The following VWA5B1 variants were observed in gnomAD, a reference collection of about 807,000 sequenced individuals.
VWA5B1 encodes the protein von Willebrand factor A domain containing 5B1, also known as von Willebrand factor A domain-containing protein 5B1.
In VWA5B1, 115 loss-of-function variants were observed where a neutral mutation model predicts 118.2. The ratio of observed to expected loss-of-function variants is 0.97; its 90% CI spans 0.84 to 1.14. The LOEUF is 1.14. VWA5B1 is among the 50% of genes most tolerant of loss of function. The pLI is 0.00. For synonymous variants in VWA5B1, 682 were observed against 658.4 expected, an observed-to-expected ratio of 1.04 and a Z score of -0.55; for missense variants, 1,596 against 1,603.8, an observed-to-expected ratio of 1.00 and a Z score of 0.08.
At position 20,326,814 on chromosome 1, in the gene VWA5B1, TCTC is replaced by T. The variant is rs1369984636; in HGVS notation, c.1144-1073_1144-1071del. On this transcript the variant is annotated intron_variant, in intron 8 of 21. Coordinates refer to ENST00000289815, the MANE Select transcript of VWA5B1 (RefSeq NM_001039500.3). Reference sequence around the variant, plus strand: ...TTGCAATCCAGGGCAATTCCTTAGCTCTCCTGAGCCTCAGTTTCCTTATCTGTA... The same window carrying T: ...TTGCAATCCAGGGCAATTCCTTAGCTCTGAGCCTCAGTTTCCTTATCTGTA... Among the ~76,000 whole-genome samples the T allele has an allele frequency of 1.1e-3, 164 of 152,196 alleles. 3 individuals carry two copies. The East Asian group carries it at 0.022, about 20-fold the overall frequency.
chr1:20,297,506 A>T (rs535230502), intron 1 of VWA5B1, among the ~76,000 whole-genome samples: 1 of 152,372 alleles, frequency 6.6e-6, no homozygotes, highest in East Asian at 1.9e-4. Flanking sequence ...CCACGCACCC[A>T]GAGGAGGAGA....
chr1:20,320,942 C>T (rs1459110935), intron 7 of VWA5B1, among the ~76,000 whole-genome samples: 1 of 151,946 alleles, frequency 6.6e-6, no homozygotes, highest in Admixed American at 6.6e-5. Context: ...AGAGAGACAG[C>T]GAGATCCCTT....
Position 20,350,352 on chromosome 1 carries a change from T to C in VWA5B1, c.2953+122T>C, listed in dbSNP as rs1025397633. 2.8e-6 allele frequency: 3 copies of C among 1,086,500 alleles called. No individual in the cohort carries two copies. In the Admixed American group the frequency reaches 6.2e-5, roughly 22 times the overall value. The allele number at this position is 1,086,500 out of a possible 1,614,324, so 67.3% of individuals were successfully genotyped here. A position where few individuals can be genotyped will look rare whatever the true frequency, so the allele number is the denominator to read the frequency against. On this transcript the variant is annotated intron_variant, in intron 19 of 21. Coordinates refer to ENST00000289815, the MANE Select transcript of VWA5B1 (RefSeq NM_001039500.3). ...CTTCATGGAGTCCTCAAAGCAGCCGTCTGCATGGGGAATAGGATTATCCCC... is the reference window on the plus strand; with the variant it reads ...CTTCATGGAGTCCTCAAAGCAGCCGCCTGCATGGGGAATAGGATTATCCCC...
intron 14 of VWA5B1, 128 bp from the exon 15 acceptor site, chr1:20,342,304 C>T (rs1279765106): frequency 3.0e-5 from 27 of 895,148 alleles, no homozygotes; most frequent in Non-Finnish European, 3.9e-5. Flanking sequence ...CAGGAAAGAG[C>T]TGGTGGGGTG....
chr1:20,294,868 C>G (rs190891994), intron 1 of VWA5B1, among the ~76,000 whole-genome samples: 6 of 152,232 alleles, frequency 3.9e-5, no homozygotes, highest in Non-Finnish European at 8.8e-5. Flanking sequence ...GAATTACAGG[C>G]GTGAGCCACC....
chr1:20,350,325 G>T, intron 19 of VWA5B1, 95 bp downstream of exon 19: 1 of 1,388,424 alleles, frequency 7.2e-7, no homozygotes. Flanking sequence ...AAGTCCTCAG[G>T]GCTTCATGGA....
At chr1:20,315,580 C>A (rs1272732005) in intron 4 of VWA5B1, among the ~76,000 whole-genome samples, 2 of 152,192 alleles carry the variant, frequency 1.3e-5, no homozygotes, top group African/African-American at 4.8e-5. Context: ...GAACTAGACA[C>A]CATTTGTGGC....
intron 19 of VWA5B1, among the ~76,000 whole-genome samples, chr1:20,350,449 G>A (rs1405713636): frequency 6.6e-6 from 1 of 152,220 alleles, no homozygotes; most frequent in African/African-American, 2.4e-5. Context: ...TCTGGTGACA[G>A]AGCTGGGCCT....
chr1:20,355,265 T>G lies in VWA5B1; in HGVS notation c.*1002T>G, dbSNP rs2090209623. 6.6e-6 allele frequency among the ~76,000 whole-genome samples: 1 copy of G among 152,186 alleles called. No homozygotes were observed. Among genetic ancestry groups the G allele is most frequent in the African/African-American group, 2.4e-5 (1 of 41,452 alleles). ...GCAGTGCCTTTGGGGATGGCAGCTC[T>G]GGCCAGGGGAGGCCTGATTTGTTTG... On this transcript the variant is annotated 3_prime_UTR_variant, in exon 22 of 22. Transcript: ENST00000289815.
In VWA5B1 at chr1:20,342,367, T is replaced by C. The variant is rs2089897723; in HGVS notation, c.2134-65T>C. 4 of 1,511,290 alleles carry C rather than the reference T, an allele frequency of 2.6e-6. No homozygotes were observed. The Admixed American group carries it at 6.0e-5, about 23-fold the overall frequency. The allele number at this position is 1,511,290 out of a possible 1,614,324, so 93.6% of individuals were successfully genotyped here. A position where few individuals can be genotyped will look rare whatever the true frequency, so the allele number is the denominator to read the frequency against. On this transcript the variant is annotated intron_variant, in intron 14 of 21. Transcript: ENST00000289815. ...TCCAGCCACCAGGAGCTCTTCCTCC[T>C]CCTTCTCCTCCTCCTCCTCCTCCTC...
At position 20,299,336 on chromosome 1, in the gene VWA5B1, G is replaced by A. The variant is rs1256210474; in HGVS notation, c.-27+8248G>A. On this transcript the variant is annotated intron_variant, in intron 1 of 21. Coordinates refer to ENST00000289815, the MANE Select transcript of VWA5B1 (RefSeq NM_001039500.3). ...GCCTGAGGTTTTCCTGCAGTAAGAT[G>A]CCCCATGAGGTCCATTCTGAGGCCT... is the stretch of plus-strand genomic sequence containing the variant. 2.0e-5 allele frequency among the ~76,000 whole-genome samples: 3 copies of A among 152,164 alleles called. No homozygotes were observed. The East Asian group carries it at 5.8e-4, about 29-fold the overall frequency.
In VWA5B1 at chr1:20,348,267, C is replaced by T; in HGVS notation, c.2787C>T (p.Gly929=). The part of the protein sequence containing the change: ...PNSGAALRML[G]SRALAQQWRG... The stretch of plus-strand genomic sequence containing the variant: ...AAGGAGCTGCCCTGCGTATGCTTGG[C>T]TCTCGGGCCCTGGCCCAACAGTGGA... The change falls in exon 18 of 22, where the codon GGC becomes GGT. Residue 929 remains glycine (G), a synonymous_variant. Transcript: ENST00000289815. 2 of 1,551,712 alleles carry T rather than the reference C, an allele frequency of 1.3e-6. No homozygotes were observed. The highest frequency in any genetic ancestry group is 2.4e-5 in the East Asian group (1 of 40,926).
chr1:20,323,590 T>C lies in VWA5B1; in HGVS notation c.1143+58T>C, dbSNP rs192987302. 21 of 1,311,224 alleles carry C rather than the reference T, an allele frequency of 1.6e-5. No individual in the cohort carries two copies. The East Asian group carries it at 6.1e-4, about 38-fold the overall frequency. 81.2% of individuals were successfully genotyped at this position (1,311,224 alleles called of 1,614,324 possible). A position where few individuals can be genotyped will look rare whatever the true frequency, so the allele number is the denominator to read the frequency against. On this transcript the variant is annotated intron_variant, in intron 8 of 21. Transcript: ENST00000289815. ...GGGGCTCCAGGGGAAATCAGCTGTG[T>C]GCCCCCAATCCAGCTTCCTCAGCAC...
At chr1:20,338,207 ACAGC>A in intron 14 of VWA5B1, 1 of 409,496 alleles carries the variant, frequency 2.4e-6, no homozygotes, top group Non-Finnish European at 4.9e-6. Context: ...CCAAGGTCAC[ACAGC>A]CAGTCAGAGG....
At chr1:20,297,949 A>G (rs1363171629) in intron 1 of VWA5B1, among the ~76,000 whole-genome samples, 2 of 144,370 alleles carry the variant, frequency 1.4e-5, no homozygotes, top group African/African-American at 2.6e-5. Context: ...ATTGCTTTCT[A>G]TGAGGCATGG....
In VWA5B1 at chr1:20,314,537, A is replaced by G. The variant is rs140772242; in HGVS notation, c.508A>G (p.Thr170Ala). 121 of 1,551,526 alleles carry G rather than the reference A, an allele frequency of 7.8e-5. No homozygotes were observed. Among genetic ancestry groups the G allele is most frequent in the African/African-American group, 7.0e-4 (51 of 73,102 alleles). The change falls in exon 4 of 22, where the codon ACC (threonine) becomes GCC (alanine). Residue 170 changes from threonine (T) to alanine (A), a missense_variant. Transcript: ENST00000289815. ...RVLLPAVCAP[T>A]VPQFCTKSTG... ...CCTTCTGCCTGCTGTCTGTGCCCCA[A>G]CCGTGCCCCAGTTCTGCACCAAGAG...
In VWA5B1 at chr1:20,317,612, T is replaced by C. The variant is rs1003334317; in HGVS notation, c.646T>C (p.Ser216Pro). ...CLATLLNTEV[S>P]NPMEYEFNFQ... ...GGCGACTCTCCTGAACACCGAAGTG[T>C]CCAACCCCATGGAGTATGAGTTCAA... Residue 216 changes from serine to proline, a missense_variant, in exon 5 of 22, where the codon TCC (serine) becomes CCC (proline). Ser to Pro is a moderately conservative substitution (Grantham distance 74). Transcript: ENST00000289815. 4 of 1,551,720 alleles carry C rather than the reference T, an allele frequency of 2.6e-6. No individual in the cohort carries two copies. Among genetic ancestry groups the C allele is most frequent in the African/African-American group, 2.7e-5 (2 of 73,000 alleles).
At chr1:20,343,556 G>T (rs984011537) in intron 16 of VWA5B1, among the ~76,000 whole-genome samples, 163 bp downstream of exon 16, 1 of 88,408 alleles carries the variant, frequency 1.1e-5, no homozygotes, top group Non-Finnish European at 2.2e-5. Context: ...TCACAGCCCC[G>T]CCCAATTCCC....
At chr1:20,347,059 C>T (rs1463616382) in intron 17 of VWA5B1, among the ~76,000 whole-genome samples, 2 of 152,188 alleles carry the variant, frequency 1.3e-5, no homozygotes, top group Non-Finnish European at 2.9e-5. Flanking sequence ...AGGGACCTGG[C>T]CCATATCTTA....
Sources: allele counts gnomAD v4.1 joint callset (sites outside exome capture counted in the v4.1 genomes callset), GRCh38; gene constraint gnomAD v4.1.1; transcripts MANE v1.5; gene names NCBI Gene and HGNC (gene_info 2026-07-23, HGNC 2026-07-21).